KIAA0319: variants seen among roughly 807,000 people sequenced by gnomAD.
KIAA0319 encodes the protein KIAA0319.
In KIAA0319, 83 loss-of-function variants were observed where a neutral mutation model predicts 108.4. The ratio of observed to expected loss-of-function variants is 0.77; its 90% confidence interval spans 0.64 to 0.92. The LOEUF (loss-of-function observed/expected upper bound fraction) is 0.92. Among genes scored for constraint, KIAA0319 ranks in the 40% least tolerant of loss-of-function variants. The pLI is 0.00. For synonymous variants in KIAA0319, 484 were observed against 510.4 expected (o/e 0.95, Z 0.70); for missense variants, 1,195 against 1,322.4 (o/e 0.90, Z 1.49).
intron 1 of KIAA0319, among the ~76,000 whole-genome samples, chr6:24,622,319 T>TAAAAAAAAAA (rs5874995): frequency 1.0e-4 from 12 of 114,420 alleles, no homozygotes; most frequent in East Asian, 4.9e-4. Flanking sequence ...TTTGAGAAAT[T>TAAAAAAAAAA]AAAAAAAAAA....
At chr6:24,576,715 T>G in intron 9 of KIAA0319, 119 bp from the exon 10 acceptor site, 1 of 765,096 alleles carries the variant, frequency 1.3e-6, no homozygotes, top group Non-Finnish European at 2.2e-6. Flanking sequence ...AGCCCAGGAG[T>G]TCTGAGACCA....
At chr6:24,593,384 A>ATTT (rs1768820520) in intron 3 of KIAA0319, among the ~76,000 whole-genome samples, 1 of 130,654 alleles carries the variant, frequency 7.7e-6, no homozygotes, top group Non-Finnish European at 1.6e-5. Context: ...TTGAATAATT[A>ATTT]TCTTTTTTTT....
chr6:24,593,508 T>G (rs1768866200), intron 3 of KIAA0319, among the ~76,000 whole-genome samples: 1 of 147,250 alleles, frequency 6.8e-6, no homozygotes, highest in African/African-American at 2.5e-5. Flanking sequence ...TTCTCCTGCC[T>G]CAGCCTCCCG....
chr6:24,639,687 A>T (rs952395756), intron 1 of KIAA0319, among the ~76,000 whole-genome samples: 1 of 152,098 alleles, frequency 6.6e-6, no homozygotes, highest in Non-Finnish European at 1.5e-5. Context: ...ATTTCTACTA[A>T]AAATACAAAA....
chr6:24,639,102 A>G (rs958754645), intron 1 of KIAA0319, among the ~76,000 whole-genome samples: 2 of 152,234 alleles, frequency 1.3e-5, no homozygotes, highest in African/African-American at 4.8e-5. Context: ...GGGAAAAAAT[A>G]TGTAAAGAGA....
Position 24,635,104 on chromosome 6 carries a change from C to A in KIAA0319, c.-106+10632G>T, listed in dbSNP as rs557692813. Among the ~76,000 whole-genome samples, 14 of 150,422 alleles carry A rather than the reference C, an allele frequency of 9.3e-5. No individual in the cohort carries two copies. In the South Asian group the frequency reaches 2.3e-3, roughly 25 times the overall value. On this transcript the variant is annotated intron_variant, in intron 1 of 20. Transcript: ENST00000378214. ...AAAGGAAAGGCAGTTTATTTTCTTT[C>A]TTTCTTTTTTTTTTTTTTGAAATGG...
At chr6:24,559,324 A>T (rs774525478) in intron 16 of KIAA0319, among the ~76,000 whole-genome samples, 169 bp from the exon 17 acceptor site, 3 of 152,258 alleles carry the variant, frequency 2.0e-5, no homozygotes, top group Admixed American at 2.0e-4. Context: ...GTTTCTATTC[A>T]CAAAGCCTCT....
intron 12 of KIAA0319, among the ~76,000 whole-genome samples, chr6:24,569,400 T>C (rs1764356785): frequency 6.6e-6 from 1 of 152,244 alleles, no homozygotes; most frequent in South Asian, 2.1e-4. Context: ...TTTCTCTTAC[T>C]ATCTGGGCAA....
intron 5 of KIAA0319, 51 bp from the exon 6 acceptor site, chr6:24,582,397 G>T: frequency 9.2e-7 from 1 of 1,087,668 alleles, no homozygotes; most frequent in Non-Finnish European, 1.4e-6. Flanking sequence ...GAGGACACTA[G>T]ATAACCTGGG....
intron 1 of KIAA0319, among the ~76,000 whole-genome samples, chr6:24,628,516 TTTTC>T (rs893074510): frequency 1.3e-4 from 20 of 151,692 alleles, no homozygotes; most frequent in Non-Finnish European, 2.8e-4. Context: ...TGCAGTGCTT[TTTTC>T]TTTCTTTCTT....
intron 1 of KIAA0319, among the ~76,000 whole-genome samples, chr6:24,640,480 G>A (rs1776775901): frequency 1.3e-5 from 2 of 152,142 alleles, no homozygotes; most frequent in South Asian, 2.1e-4. Context: ...ATAGGTGTGG[G>A]TTATGATGAG....
intron 9 of KIAA0319, among the ~76,000 whole-genome samples, chr6:24,577,584 G>C (rs1247402410): frequency 2.0e-5 from 3 of 152,176 alleles, no homozygotes; most frequent in Non-Finnish European, 4.4e-5. Flanking sequence ...AATATCAATA[G>C]GCATATGACA....
At chr6:24,583,849 T>A in intron 4 of KIAA0319, 147 bp from the exon 5 acceptor site, 1 of 610,988 alleles carries the variant, frequency 1.6e-6, no homozygotes, top group South Asian at 2.0e-5. Flanking sequence ...CTAAGGCACG[T>A]TTTTCCTCTG....
At chr6:24,594,196 C>A (rs1769012627) in intron 3 of KIAA0319, among the ~76,000 whole-genome samples, 2 of 44,250 alleles carry the variant, frequency 4.5e-5, no homozygotes. Flanking sequence ...GAGACTCTGT[C>A]TCAAAAAAAA....
intron 20 of KIAA0319, among the ~76,000 whole-genome samples, chr6:24,549,988 A>G (rs911289856): frequency 6.6e-6 from 1 of 152,296 alleles, no homozygotes; most frequent in Admixed American, 6.5e-5. Context: ...TAAGACAAAG[A>G]TGGGTGAGAT....
At chr6:24,562,218 A>T (rs1482842029) in intron 16 of KIAA0319, among the ~76,000 whole-genome samples, 1 of 152,190 alleles carries the variant, frequency 6.6e-6, no homozygotes, top group Non-Finnish European at 1.5e-5. Context: ...ATTTTTTCTT[A>T]GTCAATCTAG....
chr6:24,605,963 T>G (rs188419600), intron 1 of KIAA0319, among the ~76,000 whole-genome samples: 106 of 151,394 alleles, frequency 7.0e-4, no homozygotes, highest in African/African-American at 2.5e-3. Flanking sequence ...TGAGACAGAG[T>G]CTCACTCTAT....
downstream of KIAA0319, among the ~76,000 whole-genome samples, chr6:24,540,854 C>G (rs1408671998): frequency 6.6e-6 from 1 of 152,162 alleles, no homozygotes; most frequent in Non-Finnish European, 1.5e-5. Flanking sequence ...CTATGTAATA[C>G]AATTATCAAA....
chr6:24,606,200 G>C (rs5026271), intron 1 of KIAA0319, among the ~76,000 whole-genome samples: 18,403 of 152,200 alleles, frequency 0.12, 2,314 homozygotes, highest in East Asian at 0.45. Flanking sequence ...GCCTCCCAAA[G>C]TGTTGGGATT....
Sources: gnomAD v4.1 joint callset for allele counts (sites outside exome capture counted in the v4.1 genomes callset) on GRCh38, gnomAD v4.1.1 for gene constraint, MANE v1.5 for transcripts, NCBI Gene and HGNC (gene_info 2026-07-23, HGNC 2026-07-21) for gene names.